Variants in DUS3L observed in about 807,000 individuals in gnomAD.
DUS3L encodes tRNA-dihydrouridine(47) synthase [NAD(P)(+)]-like.
A neutral mutation model predicts 74.6 loss-of-function variants in DUS3L; 62 were observed. That is an observed-to-expected ratio of 0.83 (90% CI 0.68 to 1.03). The LOEUF is 1.03. Ranked by LOEUF, DUS3L falls within the 50% of genes least tolerant of loss-of-function variation. DUS3L has a pLI of 0.00. For missense variants in DUS3L, 884 were observed against 924.4 expected (o/e 0.96, Z 0.57); for synonymous variants, 433 against 395.7 (o/e 1.09, Z -1.12).
At chr19:5,790,874 G>C (rs1407187703) in intron 1 of DUS3L, 170 bp downstream of exon 1, 3 of 655,828 alleles carry the variant, frequency 4.6e-6, no homozygotes, top group Non-Finnish European at 8.0e-6. Context: ...CAACGTGCAC[G>C]ATCTCAGGTA....
intron 3 of DUS3L, chr19:5,789,005 C>A: frequency 4.4e-6 from 3 of 683,746 alleles, no homozygotes; most frequent in Non-Finnish European, 6.5e-6. Context: ...CCGCCCCCGG[C>A]CCTGTCCAGC....
rs1216515353 is a variant in DUS3L, at chr19:5,785,745, G to A, written c.1609C>T (p.Arg537Trp). The change falls in exon 11 of 13, where the codon CGG (arginine) becomes TGG (tryptophan). Residue 537 changes from arginine to tryptophan, a missense_variant. Arg to Trp is a moderately radical substitution (Grantham distance 101, BLOSUM62 -3). Transcript: ENST00000309061. ...TCGGACGACGAGATGTCCCAGTGCC[G>A]CTGCTCCTTGATCTCCGTGAAGAGC... Reference protein sequence around the residue: ...PWLFTEIKEQRHWDISSSERL... With the variant: ...PWLFTEIKEQWHWDISSSERL... 2 of 1,610,172 alleles carry A rather than the reference G, an allele frequency of 1.2e-6. No individual in the cohort carries two copies. Among genetic ancestry groups the A allele is most frequent in the African/African-American group, 1.3e-5 (1 of 75,046 alleles).
At chr19:5,790,814 C>T in intron 1 of DUS3L, 1 of 597,430 alleles carries the variant, frequency 1.7e-6, no homozygotes. Context: ...GGCCTCAAAT[C>T]CCACCTGCCC....
rs758933835 is a variant in DUS3L, at chr19:5,785,215, G to A, written c.1941C>T (p.Asn647=). 9.9e-6 allele frequency: 16 copies of A among 1,608,134 alleles called. No individual in the cohort carries two copies. The highest frequency in any genetic ancestry group is 1.6e-4 in the Middle Eastern group (1 of 6,070). The change falls in exon 13 of 13, where the codon AAC becomes AAT. Residue 647 remains asparagine (N), a synonymous_variant. Coordinates refer to ENST00000309061, the MANE Select transcript of DUS3L (RefSeq NM_020175.3). The stretch of plus-strand genomic sequence containing the variant: ...GGAAAGCCTGAGGCTACTTGTACGC[G>A]TTGGCCTTGTGCTTCGGCAAGAAGG... The part of the protein sequence containing the change: ...SFAFLPKHKA[N]AYK
In DUS3L at chr19:5,785,173, G is replaced by A. The variant is rs373992106; in HGVS notation, c.*30C>T. ...GAATAAAATTTATTGTACTCTCCTC[G>A]CCCCAGGGTGCCCCTGGGAAAGCCT... is the stretch of plus-strand genomic sequence containing the variant. On this transcript the variant is annotated 3_prime_UTR_variant, in exon 13 of 13. Transcript: ENST00000309061. The A allele has an allele frequency of 2.0e-5, 31 of 1,578,386 alleles. No homozygotes were observed. The highest frequency in any genetic ancestry group is 1.7e-4 in the Middle Eastern group (1 of 6,014).
In DUS3L at chr19:5,785,876, C is replaced by A; in HGVS notation, c.1563-85G>T. The A allele has an allele frequency of 2.1e-6, 3 of 1,418,194 alleles. No homozygotes were observed. In the South Asian group the frequency reaches 4.4e-5, roughly 21 times the overall value. 87.9% of individuals were successfully genotyped at this position (1,418,194 alleles called of 1,614,324 possible). On this transcript the variant is annotated intron_variant, in intron 10 of 12. Coordinates refer to ENST00000309061, the MANE Select transcript of DUS3L (RefSeq NM_020175.3). ...TCTGCTTCCATGGCCTGGCCTGAGC[C>A]GGAGCCCAGACCACAAAACCTACAA...
rs140421155 is a variant in DUS3L at position 5,786,800 on chromosome 19, A to T, written c.1435T>A (p.Trp479Arg). The part of the protein sequence containing the change: ...REQRYTKLAD[W>R]QYIEECVQAA... ...TGCACGCACTCCTCGATGTACTGCC[A>T]GTCGGCTAGCTTGGTGTAGCGCTGC... Residue 479 changes from tryptophan (W) to arginine (R), a missense_variant, in exon 9 of 13, where the codon TGG (tryptophan) becomes AGG (arginine). Transcript: ENST00000309061. The T allele has an allele frequency of 1.2e-6, 2 of 1,612,086 alleles. No homozygotes were observed. The highest frequency in any genetic ancestry group is 1.3e-5 in the African/African-American group (1 of 74,936).
chr19:5,786,356 C>T, intron 10 of DUS3L, 111 bp downstream of exon 10: 1 of 1,042,830 alleles, frequency 9.6e-7, no homozygotes, highest in Non-Finnish European at 1.4e-6. Flanking sequence ...TCTGCTCCTC[C>T]CATCTTGGGA....
Position 5,788,365 on chromosome 19 carries a change from G to A in DUS3L, c.934C>T (p.Leu312Phe), listed in dbSNP as rs2056875876. ...CCTGACCCAGGTCCTACCGTGGTGAGGGGGGCCAGGTAAAGTTTGCCACGG... is the reference window on the plus strand; with the variant it reads ...CCTGACCCAGGTCCTACCGTGGTGAAGGGGGCCAGGTAAAGTTTGCCACGG... ...DIRGKLYLAP[L>F]TTCGNLPFRR... The change falls in exon 4 of 13, where the codon CTC (leucine) becomes TTC (phenylalanine). Residue 312 changes from leucine (L) to phenylalanine (F), a missense_variant. By Grantham distance (22) the Leu-to-Phe change is conservative. Coordinates refer to ENST00000309061, the MANE Select transcript of DUS3L (RefSeq NM_020175.3). 1 of 1,613,658 alleles carries A rather than the reference G, an allele frequency of 6.2e-7. No individual in the cohort carries two copies. The highest frequency in any genetic ancestry group is 8.5e-7 in the Non-Finnish European group (1 of 1,179,954).
At position 5,785,637 on chromosome 19, in the gene DUS3L, G is replaced by A. The variant is rs201040106; in HGVS notation, c.1717C>T (p.Arg573Cys). 1.7e-5 allele frequency: 28 copies of A among 1,610,926 alleles called. No individual in the cohort carries two copies. Among genetic ancestry groups the A allele is most frequent in the Non-Finnish European group, 2.3e-5 (27 of 1,179,008 alleles). Residue 573 changes from arginine (R) to cysteine (C), a missense_variant, in exon 11 of 13, where the codon CGC becomes TGC. Arg to Cys is a radical substitution (Grantham distance 180). Transcript: ENST00000309061. The stretch of plus-strand genomic sequence containing the variant: ...AAGGACAGCCACTCGAGCAGAAAGC[G>A]CCGGGTCTTCTCCACGCCCTGCGTG... ...SDTQGVEKTR[R>C]FLLEWLSFLC... is the part of the protein sequence containing the mutation.
In DUS3L at chr19:5,789,991, GA is replaced by G. The variant is rs2056893577; in HGVS notation, c.387+55del. 1.4e-5 allele frequency: 23 copies of G among 1,598,360 alleles called. No individual in the cohort carries two copies. In the South Asian group the frequency reaches 2.3e-4, roughly 16 times the overall value. On this transcript the variant is annotated intron_variant, in intron 2 of 12. Coordinates refer to ENST00000309061, the MANE Select transcript of DUS3L (RefSeq NM_020175.3). ...CTTTCTAACAATTACCCGCTGCCAG[GA>G]AACACACCCTGCTCCTGCCTGCCCC...
chr19:5,790,329 G>A lies in DUS3L; in HGVS notation c.105C>T (p.Leu35=). Residue 35 remains leucine, a synonymous_variant, in exon 2 of 13, where the codon CTC becomes CTT. Transcript: ENST00000309061. ...RGVAPIKRQY[L]TTKEQFHQFL... is the part of the protein sequence containing the mutation. ...ATTGGTGAAACTGCTCCTTGGTGGT[G>A]AGGTATCTGCCGACAGAAAGGGAAA... The A allele has an allele frequency of 6.2e-7, 1 of 1,614,058 alleles. No homozygotes were observed. Among genetic ancestry groups the A allele is most frequent in the Non-Finnish European group, 8.5e-7 (1 of 1,179,974 alleles).
intron 9 of DUS3L, 40 bp downstream of exon 9, chr19:5,786,709 G>A (rs2056845830): frequency 6.2e-7 from 1 of 1,601,624 alleles, no homozygotes; most frequent in Non-Finnish European, 8.5e-7. Context: ...AGTGACCAAG[G>A]GTGGTAGGGG....
chr19:5,788,486 GAC>G, intron 3 of DUS3L, 88 bp from the exon 4 acceptor site: 1 of 1,489,884 alleles, frequency 6.7e-7, no homozygotes, highest in Non-Finnish European at 9.1e-7. Context: ...CACAGTCTAG[GAC>G]ACACTTGGCC....
rs747844451 is a variant in DUS3L at position 5,787,377 on chromosome 19, G to A, written c.1213-16C>T. ...AGCCCCCACCCTGGAAGAGACAGGC[G>A]GGTGGAGGGAGGGCAGGACGTGGGC... On this transcript the variant is annotated splice_polypyrimidine_tract_variant and intron_variant, in intron 6 of 12. Coordinates refer to ENST00000309061, the MANE Select transcript of DUS3L (RefSeq NM_020175.3). 2.0e-5 allele frequency: 32 copies of A among 1,612,378 alleles called. No homozygotes were observed. Among genetic ancestry groups the A allele is most frequent in the African/African-American group, 2.7e-5 (2 of 74,756 alleles).
intron 1 of DUS3L, 119 bp from the exon 2 acceptor site, chr19:5,790,454 A>G (rs2056899030): frequency 8.0e-7 from 1 of 1,250,176 alleles, no homozygotes; most frequent in Non-Finnish European, 1.1e-6. Context: ...TCACTACTTA[A>G]GAACCAGCCA....
In DUS3L at chr19:5,790,217, T is replaced by A. The variant is rs777220313; in HGVS notation, c.217A>T (p.Lys73Ter). The A allele has an allele frequency of 6.2e-7, 1 of 1,614,146 alleles. No homozygotes were observed. Among genetic ancestry groups the A allele is most frequent in the Non-Finnish European group, 8.5e-7 (1 of 1,180,020 alleles). Reference sequence around the variant, plus strand: ...TGTCCATCCTCCAGTCGGATCCGCTTAGCCTCAGGCTCAGCCAGCTCATTG... The same window carrying A: ...TGTCCATCCTCCAGTCGGATCCGCTAAGCCTCAGGCTCAGCCAGCTCATTG... ...AGNELAEPEAKRIRLEDGQTA... is the reference protein window; with the variant it reads ...AGNELAEPEA The change falls in exon 2 of 13, where the codon AAG becomes TAG. Residue 73 changes from lysine to a stop codon, truncating the protein, a stop_gained. Coordinates refer to ENST00000309061, the MANE Select transcript of DUS3L (RefSeq NM_020175.3). LOFTEE classifies it high-confidence loss of function.
chr19:5,790,087 G>A lies in DUS3L; in HGVS notation c.347C>T (p.Thr116Met), dbSNP rs749065839. 3 of 1,614,116 alleles carry A rather than the reference G, an allele frequency of 1.9e-6. No individual in the cohort carries two copies. The highest frequency in any genetic ancestry group is 2.5e-6 in the Non-Finnish European group (3 of 1,180,018). Residue 116 changes from threonine to methionine, a missense_variant, in exon 2 of 13, where the codon ACG becomes ATG. Thr to Met is a moderately conservative substitution (Grantham distance 81, BLOSUM62 -1). Transcript: ENST00000309061. ...ACACAGCCTGTTCTTGTCGTAGTTCGTGGGCTTCACATGGGGCCGGCCCTT... is the reference window on the plus strand; with the variant it reads ...ACACAGCCTGTTCTTGTCGTAGTTCATGGGCTTCACATGGGGCCGGCCCTT... ...QNKGRPHVKPTNYDKNRLCPS... is the reference protein window; with the variant it reads ...QNKGRPHVKPMNYDKNRLCPS...
In DUS3L at chr19:5,787,663, G is replaced by A. The variant is rs767464574; in HGVS notation, c.1138C>T (p.Leu380=). The A allele has an allele frequency of 1.2e-6, 2 of 1,613,692 alleles. No homozygotes were observed. The highest frequency in any genetic ancestry group is 2.7e-5 in the African/African-American group (2 of 74,934). Residue 380 remains leucine (L), a synonymous_variant, in exon 6 of 13, where the codon CTG becomes TTG. Coordinates refer to ENST00000309061, the MANE Select transcript of DUS3L (RefSeq NM_020175.3). The part of the protein sequence containing the change: ...FPDTMTKCAE[L]LSRTVEVDFV... Reference sequence around the variant, plus strand: ...TCCACCTCCACGGTGCGGCTCAGCAGCTCGGCACACTTGGTCATGGTGTCG... The same window carrying A: ...TCCACCTCCACGGTGCGGCTCAGCAACTCGGCACACTTGGTCATGGTGTCG...
Sources: gnomAD v4.1 joint callset for allele counts on GRCh38, gnomAD v4.1.1 for gene constraint, MANE v1.5 for transcripts, NCBI Gene and HGNC (gene_info 2026-07-23, HGNC 2026-07-21) for gene names.